Variants in ASIC1 observed in about 807,000 individuals in gnomAD.
ASIC1 encodes acid sensing ion channel subunit 1, also known as acid-sensing ion channel 1.
A neutral mutation model predicts 63.4 loss-of-function variants in ASIC1; 21 were observed. The ratio of observed to expected loss-of-function variants is 0.33; its 90% CI spans 0.23 to 0.48. The LOEUF (loss-of-function observed/expected upper bound fraction) is 0.48, where lower values mean the gene tolerates loss of function less well. Among genes scored for constraint, ASIC1 ranks in the 20% least tolerant of loss-of-function variants. The pLI is 0.99. For synonymous variants in ASIC1, 258 were observed against 278.2 expected, an observed-to-expected ratio of 0.93 and a Z score of 0.72; for missense variants, 478 against 695.5, an observed-to-expected ratio of 0.69 and a Z score of 3.52.
chr12:50,078,629 C>T lies in ASIC1; in HGVS notation c.994+52C>T. On this transcript the variant is annotated intron_variant, in intron 6 of 11. Transcript: ENST00000447966. The surrounding 1 kb of genome is among the most constrained non-coding windows in gnomAD (Gnocchi z 6.0). The stretch of plus-strand genomic sequence containing the variant: ...CCTGGGGTCCCTGGGCCTTTGCTGC[C>T]CTTCACTAGCTCCCCATCCATATCA... 1 of 1,605,162 alleles carries T rather than the reference C, an allele frequency of 6.2e-7. No homozygotes were observed. The highest frequency in any genetic ancestry group is 8.5e-7 in the Non-Finnish European group (1 of 1,174,724).
At chr12:50,069,256 T>TTTTATTTA (rs58172412) in intron 3 of ASIC1, among the ~76,000 whole-genome samples, 2,860 of 146,316 alleles carry the variant, frequency 0.02, 51 homozygotes, top group East Asian at 0.06. Flanking sequence ...TTATTTTTTA[T>TTTTATTTA]TTTATTTATT....
intron 3 of ASIC1, among the ~76,000 whole-genome samples, chr12:50,065,124 A>G (rs574035484): frequency 6.6e-6 from 1 of 152,246 alleles, no homozygotes; most frequent in African/African-American, 2.4e-5. Context: ...AGCTAACTAA[A>G]TCAACCGGCC....
Position 50,081,720 on chromosome 12 carries a change from C to A in ASIC1, c.*71C>A, listed in dbSNP as rs8192443. On this transcript the variant is annotated 3_prime_UTR_variant, in exon 12 of 12. Coordinates refer to ENST00000447966, the MANE Select transcript of ASIC1 (RefSeq NM_001095.4). ...AGAGCGAGGGGGCCCCCAGCTGCCTCCTCACATCTGCCCTGGGGACTCCCC... is the reference window on the plus strand; with the variant it reads ...AGAGCGAGGGGGCCCCCAGCTGCCTACTCACATCTGCCCTGGGGACTCCCC... 1,974 of 1,402,694 alleles carry A rather than the reference C, an allele frequency of 1.4e-3. 12 individuals are homozygous for A. The highest frequency in any genetic ancestry group is 1.1e-3 in the Non-Finnish European group (1,074 of 1,012,050). The allele number at this position is 1,402,694 out of a possible 1,614,324, so 86.9% of individuals were successfully genotyped here. A position where few individuals can be genotyped will look rare whatever the true frequency, so the allele number is the denominator to read the frequency against.
chr12:50,067,624 G>T (rs1044869457), intron 3 of ASIC1, among the ~76,000 whole-genome samples: 3 of 152,070 alleles, frequency 2.0e-5, no homozygotes, highest in African/African-American at 7.2e-5. Context: ...TCTCCATGTT[G>T]GTCAGGCTGG....
intron 1 of ASIC1, 147 bp from the exon 2 acceptor site, chr12:50,058,604 C>A (rs1950469517): frequency 1.8e-6 from 2 of 1,084,104 alleles, no homozygotes; most frequent in Admixed American, 3.0e-5. Context: ...CTTGGTCAGC[C>A]ACCTCTGGGC....
In ASIC1 at chr12:50,078,159, T is replaced by G. The variant is rs1592278605; in HGVS notation, c.837+32T>G. 1 of 1,601,110 alleles carries G rather than the reference T, an allele frequency of 6.2e-7. No homozygotes were observed. The highest frequency in any genetic ancestry group is 1.1e-5 in the South Asian group (1 of 89,000). On this transcript the variant is annotated intron_variant, in intron 5 of 11. Coordinates refer to ENST00000447966, the MANE Select transcript of ASIC1 (RefSeq NM_001095.4). The surrounding 1 kb of genome is among the most constrained non-coding windows in gnomAD (Gnocchi z 6.0). ...GGGCCATGGGAGGCTGGTCCTGGGG[T>G]GGGGTATTGAGGGGTCCAGATGGAG...
rs1950726013 is a variant in ASIC1, at chr12:50,082,011, C to G, written c.*362C>G. 1 of 256,346 alleles carries G rather than the reference C, an allele frequency of 3.9e-6. No individual in the cohort carries two copies. Among genetic ancestry groups the G allele is most frequent in the East Asian group, 1.0e-4 (1 of 9,604 alleles). The allele number at this position is 256,346 out of a possible 1,614,324, so 15.9% of individuals were successfully genotyped here. ...TCTGCTGCCACCAGTCACCAAAGGCCCTTCCCAGTGAGGGGTGGAAGGGAT... is the reference window on the plus strand; with the variant it reads ...TCTGCTGCCACCAGTCACCAAAGGCGCTTCCCAGTGAGGGGTGGAAGGGAT... On this transcript the variant is annotated 3_prime_UTR_variant, in exon 12 of 12. Coordinates refer to ENST00000447966, the MANE Select transcript of ASIC1 (RefSeq NM_001095.4).
Position 50,082,077 on chromosome 12 carries a change from C to G in ASIC1, c.*428C>G, listed in dbSNP as rs983313368. 5.4e-6 allele frequency: 1 copy of G among 184,896 alleles called. No homozygotes were observed. Among genetic ancestry groups the G allele is most frequent in the Non-Finnish European group, 1.1e-5 (1 of 88,616 alleles). The allele number at this position is 184,896 out of a possible 1,614,324, so 11.5% of individuals were successfully genotyped here. ...TTTGGCCCCAAACCAGAGAATGTAC[C>G]TTAAGGGGGAGGGCTAGTGTGGGGG... is the stretch of plus-strand genomic sequence containing the variant. On this transcript the variant is annotated 3_prime_UTR_variant, in exon 12 of 12. Coordinates refer to ENST00000447966, the MANE Select transcript of ASIC1 (RefSeq NM_001095.4).
chr12:50,070,663 A>AG (rs1950590738), intron 3 of ASIC1: 1 of 152,158 alleles, frequency 6.6e-6, no homozygotes, highest in African/African-American at 2.4e-5. Context: ...CATCTGAAGG[A>AG]GGGGGACAGT....
chr12:50,079,855 G>A (rs1008766130), intron 7 of ASIC1, 47 bp from the exon 8 acceptor site: 2 of 1,556,462 alleles, frequency 1.3e-6, no homozygotes, highest in South Asian at 2.5e-5. Flanking sequence ...GAAGGTGCTG[G>A]CAGAAGGGCA....
intron 3 of ASIC1, among the ~76,000 whole-genome samples, chr12:50,062,268 A>T (rs1439663089): frequency 6.6e-6 from 1 of 151,962 alleles, no homozygotes; most frequent in Admixed American, 6.6e-5. Context: ...CTGATACTCC[A>T]TGCTCTCCCT....
Position 50,080,605 on chromosome 12 carries a change from C to T in ASIC1, c.1297+16C>T, listed in dbSNP as rs779842146. On this transcript the variant is annotated intron_variant, in intron 9 of 11. Coordinates refer to ENST00000447966, the MANE Select transcript of ASIC1 (RefSeq NM_001095.4). ...GGGCTCCTGGGTGAGCTGCTGATGA[C>T]ACCTGTCCCCTTCTCATGCCATGGG... 1.2e-6 allele frequency: 2 copies of T among 1,614,214 alleles called. No individual in the cohort carries two copies. Among genetic ancestry groups the T allele is most frequent in the South Asian group, 2.2e-5 (2 of 91,084 alleles).
At position 50,078,631 on chromosome 12, in the gene ASIC1, T is replaced by C; in HGVS notation, c.994+54T>C. 1 of 1,604,638 alleles carries C rather than the reference T, an allele frequency of 6.2e-7. No individual in the cohort carries two copies. The highest frequency in any genetic ancestry group is 2.2e-5 in the East Asian group (1 of 44,786). On this transcript the variant is annotated intron_variant, in intron 6 of 11. Coordinates refer to ENST00000447966, the MANE Select transcript of ASIC1 (RefSeq NM_001095.4). This position sits in a 1 kb window ranked among gnomAD's most constrained non-coding sequence, Gnocchi z 6.0. ...TGGGGTCCCTGGGCCTTTGCTGCCC[T>C]TCACTAGCTCCCCATCCATATCAAT...
intron 3 of ASIC1, chr12:50,073,835 G>A (rs890196310): frequency 2.6e-6 from 4 of 1,531,294 alleles, no homozygotes; most frequent in Middle Eastern, 1.7e-4. Flanking sequence ...GTGGAGGGGG[G>A]TCCAGGGCCA....
chr12:50,081,519 G>T lies in ASIC1; in HGVS notation c.1483-26G>T, dbSNP rs554216673. On this transcript the variant is annotated intron_variant, in intron 11 of 11. Coordinates refer to ENST00000447966, the MANE Select transcript of ASIC1 (RefSeq NM_001095.4). Reference sequence around the variant, plus strand: ...CTGAAGCCCTTCCGAGGGATAACCCGTCCCTGTCCTGTCCCCTTCCCCCAG... The same window carrying T: ...CTGAAGCCCTTCCGAGGGATAACCCTTCCCTGTCCTGTCCCCTTCCCCCAG... 4.2e-6 allele frequency: 6 copies of T among 1,443,558 alleles called. No individual in the cohort carries two copies. In the Middle Eastern group the frequency reaches 5.8e-4, roughly 139 times the overall value. The allele number at this position is 1,443,558 out of a possible 1,614,324, so 89.4% of individuals were successfully genotyped here. A position where few individuals can be genotyped will look rare whatever the true frequency, so the allele number is the denominator to read the frequency against.
At position 50,074,038 on chromosome 12, in the gene ASIC1, C is replaced by G. The variant is rs1204252797; in HGVS notation, c.559-3175C>G. On this transcript the variant is annotated intron_variant, in intron 3 of 11. Coordinates refer to ENST00000447966, the MANE Select transcript of ASIC1 (RefSeq NM_001095.4). The surrounding 1 kb of genome is among the most constrained non-coding windows in gnomAD (Gnocchi z 4.2). ...TGTGCGGCTGTCCCAGCTCAGCTAC[C>G]CTGACTTGCTTTATTTGGCCCCCAT... The G allele has an allele frequency of 2.6e-6, 4 of 1,534,236 alleles. No homozygotes were observed. The Admixed American group carries it at 5.9e-5, about 23-fold the overall frequency.
chr12:50,080,325 T>C, intron 8 of ASIC1, 173 bp from the exon 9 acceptor site: 1 of 785,664 alleles, frequency 1.3e-6, no homozygotes, highest in Non-Finnish European at 2.1e-6. Context: ...GTACAGAACA[T>C]TTTTTCATAT....
In ASIC1 at chr12:50,081,641, A is replaced by G. The variant is rs753550712; in HGVS notation, c.1579A>G (p.Thr527Ala). 6.2e-7 allele frequency: 1 copy of G among 1,613,752 alleles called. No individual in the cohort carries two copies. Among genetic ancestry groups the G allele is most frequent in the Non-Finnish European group, 8.5e-7 (1 of 1,179,912 alleles). ...HPARGTFEDFTC is the reference protein window; with the variant it reads ...HPARGTFEDFAC The stretch of plus-strand genomic sequence containing the variant: ...GGCCCGAGGCACGTTCGAGGACTTT[A>G]CCTGCTGAGCCCCGCAGGCCGCTGA... Residue 527 changes from threonine to alanine, a missense_variant, in exon 12 of 12, where the codon ACC (threonine) becomes GCC (alanine). By Grantham distance (58) the Thr-to-Ala change is moderately conservative. Transcript: ENST00000447966.
chr12:50,079,099 C>G (rs1330976987), intron 7 of ASIC1, 119 bp downstream of exon 7: 1 of 983,524 alleles, frequency 1.0e-6, no homozygotes, highest in Non-Finnish European at 1.5e-6. Context: ...GGGCTGCACC[C>G]TCTCTTGTGT....
Sources: gnomAD v4.1 joint callset for allele counts (sites outside exome capture counted in the v4.1 genomes callset) on GRCh38, gnomAD v4.1.1 for gene constraint, Gnocchi (gnomAD v3.1) non-coding constraint, MANE v1.5 for transcripts, NCBI Gene and HGNC (gene_info 2026-07-23, HGNC 2026-07-21) for gene names.